The following PTPN6 variants were observed in gnomAD, a reference collection of about 807,000 sequenced individuals.
PTPN6 encodes the protein tyrosine-protein phosphatase non-receptor type 6.
Under a neutral mutation model 81.5 loss-of-function variants are expected in PTPN6, and 18 were observed. The ratio of observed to expected loss-of-function variants is 0.22; its 90% CI spans 0.15 to 0.33. PTPN6 has a LOEUF of 0.33. Ranked by LOEUF, PTPN6 falls within the 10% of genes least tolerant of loss-of-function variation. The pLI is 1.00. For missense variants in PTPN6, 500 were observed against 794.2 expected, an observed-to-expected ratio of 0.63 and a Z score of 4.45; for synonymous variants, 301 against 310.9, an observed-to-expected ratio of 0.97 and a Z score of 0.33.
upstream of PTPN6, among the ~76,000 whole-genome samples, chr12:6,950,480 C>A (rs1344662339): frequency 2.6e-5 from 4 of 152,162 alleles, no homozygotes; most frequent in Admixed American, 2.6e-4. Flanking sequence ...TCCCCCAGCC[C>A]CCCAGGAGAT....
upstream of PTPN6, among the ~76,000 whole-genome samples, chr12:6,948,975 G>A (rs1352996038): frequency 6.6e-6 from 1 of 151,644 alleles, no homozygotes; most frequent in Non-Finnish European, 1.5e-5. Context: ...AAGAAAAAGT[G>A]ACAACCTGCT....
rs782369583 is a variant in PTPN6 at position 6,957,911 on chromosome 12, C to T, written c.1207-8C>T. 3.2e-4 allele frequency: 518 copies of T among 1,613,980 alleles called. 5 individuals carry two copies. The South Asian group carries it at 5.0e-3, about 16-fold the overall frequency. Reference sequence around the variant, plus strand: ...GGAGGGGGCACTGACCCTATGTCCTCGGCTTAGGGAGACCTGATTCGGGAG... The same window carrying T: ...GGAGGGGGCACTGACCCTATGTCCTTGGCTTAGGGAGACCTGATTCGGGAG... On this transcript the variant is annotated splice_region_variant and splice_polypyrimidine_tract_variant and intron_variant, in intron 10 of 15. Transcript: ENST00000318974. The surrounding 1 kb of genome is among the most constrained non-coding windows in gnomAD (Gnocchi z 6.5).
rs370374974 is a variant in PTPN6, at chr12:6,960,041, G to A, written c.1429+47G>A. On this transcript the variant is annotated intron_variant, in intron 12 of 15. Coordinates refer to ENST00000318974, the MANE Select transcript of PTPN6 (RefSeq NM_002831.6). This position sits in a 1 kb window ranked among gnomAD's most constrained non-coding sequence, Gnocchi z 6.1. Reference sequence around the variant, plus strand: ...GGGGGTGGGGGGTGAGCAGCCCCTCGGTGTCCGCCTATGCCTGGACCTGAG... The same window carrying A: ...GGGGGTGGGGGGTGAGCAGCCCCTCAGTGTCCGCCTATGCCTGGACCTGAG... 103 of 1,612,578 alleles carry A rather than the reference G, an allele frequency of 6.4e-5. No homozygotes were observed. Among genetic ancestry groups the A allele is most frequent in the Middle Eastern group, 3.3e-4 (2 of 5,980 alleles).
Position 6,955,502 on chromosome 12 carries a change from G to T in PTPN6, c.747+17G>T, listed in dbSNP as rs782315847. ...GAGTTTGAGGTGCATGGTGGGGACCGGCAGGGCTGGGGCAGCTGAGGTGGT... is the reference window on the plus strand; with the variant it reads ...GAGTTTGAGGTGCATGGTGGGGACCTGCAGGGCTGGGGCAGCTGAGGTGGT... On this transcript the variant is annotated intron_variant, in intron 6 of 15. Coordinates refer to ENST00000318974, the MANE Select transcript of PTPN6 (RefSeq NM_002831.6). The surrounding 1 kb of genome is among the most constrained non-coding windows in gnomAD (Gnocchi z 7.2). 3.8e-5 allele frequency: 62 copies of T among 1,610,740 alleles called. No homozygotes were observed. In the South Asian group the frequency reaches 6.2e-4, roughly 16 times the overall value.
In PTPN6 at chr12:6,957,852, G is replaced by T; in HGVS notation, c.1206+67G>T. The T allele has an allele frequency of 2.5e-6, 4 of 1,613,976 alleles. No individual in the cohort carries two copies. The South Asian group carries it at 3.3e-5, about 13-fold the overall frequency. ...CCTGGACTTGTTCTCCTCTCTGGTC[G>T]GGTAGGGTGAGATGGATGAGGTGTT... On this transcript the variant is annotated intron_variant, in intron 10 of 15. Coordinates refer to ENST00000318974, the MANE Select transcript of PTPN6 (RefSeq NM_002831.6). This position sits in a 1 kb window ranked among gnomAD's most constrained non-coding sequence, Gnocchi z 6.5.
Position 6,960,608 on chromosome 12 carries a change from C to T in PTPN6, c.1673+173C>T. ...TTCCTGAGTGCCCACACGTGTGGGC[C>T]TCTGCTAGGTACCAGCAGCGCACTC... On this transcript the variant is annotated intron_variant, in intron 14 of 15. Coordinates refer to ENST00000318974, the MANE Select transcript of PTPN6 (RefSeq NM_002831.6). The surrounding 1 kb of genome is among the most constrained non-coding windows in gnomAD (Gnocchi z 6.1). 18 of 1,490,956 alleles carry T rather than the reference C, an allele frequency of 1.2e-5. No individual in the cohort carries two copies. The highest frequency in any genetic ancestry group is 2.5e-5 in the East Asian group (1 of 40,498). 92.4% of individuals were successfully genotyped at this position (1,490,956 alleles called of 1,614,324 possible).
At position 6,955,212 on chromosome 12, in the gene PTPN6, A is replaced by G; in HGVS notation, c.578A>G (p.His193Arg). The change falls in exon 5 of 16, where the codon CAT (histidine) becomes CGT (arginine). Residue 193 changes from histidine (H) to arginine (R), a missense_variant. His to Arg is a conservative substitution (Grantham distance 29, BLOSUM62 0). This residue lies in a region of PTPN6 where 96 missense variants were observed against 137.3 expected (regional missense o/e 0.70). Coordinates refer to ENST00000318974, the MANE Select transcript of PTPN6 (RefSeq NM_002831.6). This position sits in a 1 kb window ranked among gnomAD's most constrained non-coding sequence, Gnocchi z 7.2. ...GACAGCCTCACGGACCTGGTGGAGC[A>G]TTTCAAGAAGACGGGGATTGAGGAG... The part of the protein sequence containing the change: ...TFDSLTDLVE[H>R]FKKTGIEEAS... 1 of 1,614,204 alleles carries G rather than the reference A, an allele frequency of 6.2e-7. No individual in the cohort carries two copies. Among genetic ancestry groups the G allele is most frequent in the South Asian group, 1.1e-5 (1 of 91,086 alleles).
chr12:6,958,112 G>T (rs1946065080), intron 11 of PTPN6, 39 bp downstream of exon 11: 2 of 1,602,970 alleles, frequency 1.2e-6, no homozygotes, highest in African/African-American at 2.7e-5. Context: ...TGACAGCTGA[G>T]AAGTAAATAC....
upstream of PTPN6, among the ~76,000 whole-genome samples, chr12:6,949,761 GCTTCCAGACTGCCTAT>G (rs1337185539): frequency 6.6e-6 from 1 of 151,480 alleles, no homozygotes; most frequent in Non-Finnish European, 1.5e-5. Flanking sequence ...CCTTGTTTGC[GCTTCCAGACTGCCTAT>G]CTTCTTGTAT....
rs775238253 is a variant in PTPN6, at chr12:6,951,802, T to C, written c.131+71T>C. The C allele has an allele frequency of 1.2e-5, 19 of 1,601,306 alleles. No homozygotes were observed. Among genetic ancestry groups the C allele is most frequent in the Non-Finnish European group, 1.6e-5 (19 of 1,178,754 alleles). On this transcript the variant is annotated intron_variant, in intron 2 of 15. Transcript: ENST00000318974. The surrounding 1 kb of genome is among the most constrained non-coding windows in gnomAD (Gnocchi z 7.2). ...TGCCATCCAGGCCCTGAACCACTCA[T>C]TCCTGGTTCCCCGTGGCAGTGCTGA...
At chr12:6,947,366 T>C (rs1207928283), upstream of PTPN6, among the ~76,000 whole-genome samples, 1 of 152,174 alleles carries the variant, frequency 6.6e-6, no homozygotes, top group Non-Finnish European at 1.5e-5. Context: ...TCAGAAGTAT[T>C]ACGCAGAAAA....
In PTPN6 at chr12:6,955,106, A is replaced by AG. The variant is rs782418673; in HGVS notation, c.517-42dup. 140 of 1,609,334 alleles carry AG rather than the reference A, an allele frequency of 8.7e-5. No individual in the cohort carries two copies. The highest frequency in any genetic ancestry group is 1.2e-4 in the Non-Finnish European group (136 of 1,175,836). ...TGAATTCAAGGCTGGGGACCCAGGG[A>AG]GGGAGACTCAAGTCCTGTGAATGGC... On this transcript the variant is annotated intron_variant, in intron 4 of 15. Transcript: ENST00000318974. The surrounding 1 kb of genome is among the most constrained non-coding windows in gnomAD (Gnocchi z 7.2).
Position 6,951,392 on chromosome 12 carries a change from G to C in PTPN6, c.-121G>C, listed in dbSNP as rs1012929946. 7.8e-6 allele frequency: 12 copies of C among 1,548,072 alleles called. No individual in the cohort carries two copies. The highest frequency in any genetic ancestry group is 1.0e-5 in the Non-Finnish European group (12 of 1,146,940). ...AGCCCCAGAACTGGGACCACCGGGG[G>C]TGGTGAGGCGGCCCGGCACTGGGAG... On this transcript the variant is annotated 5_prime_UTR_variant, in exon 1 of 16. Coordinates refer to ENST00000318974, the MANE Select transcript of PTPN6 (RefSeq NM_002831.6). This position sits in a 1 kb window ranked among gnomAD's most constrained non-coding sequence, Gnocchi z 7.2.
Position 6,952,196 on chromosome 12 carries a change from C to G in PTPN6, c.326+19C>G, listed in dbSNP as rs368213761. On this transcript the variant is annotated intron_variant, in intron 3 of 15. Coordinates refer to ENST00000318974, the MANE Select transcript of PTPN6 (RefSeq NM_002831.6). This position sits in a 1 kb window ranked among gnomAD's most constrained non-coding sequence, Gnocchi z 8.1. ...GTGAGAGGTGAGGGCTCCGCACCCC[C>G]GCCATTCCCAAGCAGGGATGAGCCG... 1 of 1,612,842 alleles carries G rather than the reference C, an allele frequency of 6.2e-7. No individual in the cohort carries two copies. The highest frequency in any genetic ancestry group is 1.1e-5 in the South Asian group (1 of 91,006).
chr12:6,951,576 A>T lies in PTPN6; in HGVS notation c.9-33A>T. ...GGCAAGGGTGCCTGGTGCCCACGGG[A>T]CCCCTCCTCACTGCCCTGCCTGGGC... On this transcript the variant is annotated intron_variant, in intron 1 of 15. Transcript: ENST00000318974. The surrounding 1 kb of genome is among the most constrained non-coding windows in gnomAD (Gnocchi z 7.2). 1.2e-6 allele frequency: 2 copies of T among 1,612,494 alleles called. No homozygotes were observed. Among genetic ancestry groups the T allele is most frequent in the Non-Finnish European group, 1.7e-6 (2 of 1,179,574 alleles).
upstream of PTPN6, chr12:6,951,249 T>C (rs1211097266): frequency 4.5e-5 from 65 of 1,435,538 alleles, 1 homozygote; most frequent in Admixed American, 2.8e-5. The surrounding 1 kb of genome is among the most constrained non-coding windows in gnomAD (Gnocchi z 7.2). Flanking sequence ...GCCACCCTGC[T>C]CTGCTTCTCT....
rs2138258876 is a variant in PTPN6 at position 6,951,564 on chromosome 12, G to A, written c.8+44G>A. The A allele has an allele frequency of 6.2e-7, 1 of 1,613,992 alleles. No individual in the cohort carries two copies. The highest frequency in any genetic ancestry group is 1.1e-5 in the South Asian group (1 of 91,070). On this transcript the variant is annotated intron_variant, in intron 1 of 15. Transcript: ENST00000318974. This position sits in a 1 kb window ranked among gnomAD's most constrained non-coding sequence, Gnocchi z 7.2. ...CGGTAGACAGGAGGCAAGGGTGCCT[G>A]GTGCCCACGGGACCCCTCCTCACTG... is the stretch of plus-strand genomic sequence containing the variant.
At chr12:6,947,091 C>CCCTCG (rs1363101049), upstream of PTPN6, among the ~76,000 whole-genome samples, 1 of 152,218 alleles carries the variant, frequency 6.6e-6, no homozygotes, top group Non-Finnish European at 1.5e-5. Context: ...CCCGCGAAGG[C>CCCTCG]CCTCCCACGT....
In PTPN6 at chr12:6,954,300, G is replaced by A. The variant is rs190655694; in HGVS notation, c.327-505G>A. 6.6e-6 allele frequency among the ~76,000 whole-genome samples: 1 copy of A among 151,816 alleles called. No individual in the cohort carries two copies. Among genetic ancestry groups the A allele is most frequent in the Non-Finnish European group, 1.5e-5 (1 of 68,044 alleles). ...TCCCTGTGGTGTGGCCTCGGTCTGC[G>A]TTTCTCTTTGCCTCTGGTCTCTGCT... On this transcript the variant is annotated intron_variant, in intron 3 of 15. Coordinates refer to ENST00000318974, the MANE Select transcript of PTPN6 (RefSeq NM_002831.6). This position sits in a 1 kb window ranked among gnomAD's most constrained non-coding sequence, Gnocchi z 5.4.
Sources: allele counts gnomAD v4.1 joint callset (sites outside exome capture counted in the v4.1 genomes callset), GRCh38; gene constraint gnomAD v4.1.1; regional missense constraint gnomAD v4.1.1; non-coding constraint Gnocchi (gnomAD v3.1); transcripts MANE v1.5; gene names NCBI Gene and HGNC (gene_info 2026-07-23, HGNC 2026-07-21).